Variants in USP38 observed in about 807,000 individuals in gnomAD.
The protein encoded by USP38 is ubiquitin carboxyl-terminal hydrolase 38.
Under a neutral mutation model 94.3 loss-of-function variants are expected in USP38, and 49 were observed. That is an observed-to-expected ratio of 0.52 (90% CI 0.41 to 0.66). The LOEUF (loss-of-function observed/expected upper bound fraction) is 0.66. Ranked by LOEUF, USP38 falls within the 30% of genes least tolerant of loss-of-function variation. The pLI, the probability that USP38 is intolerant of heterozygous loss-of-function variation, is 0.00. For missense variants in USP38, 1,128 were observed against 1,229.4 expected, an observed-to-expected ratio of 0.92 and a Z score of 1.23; for synonymous variants, 468 against 463.6, an observed-to-expected ratio of 1.01 and a Z score of -0.12.
chr4:143,188,203 A>G (rs1175621294), intron 2 of USP38, among the ~76,000 whole-genome samples: 2 of 152,144 alleles, frequency 1.3e-5, no homozygotes, highest in Non-Finnish European at 2.9e-5. Flanking sequence ...TACACATATT[A>G]TACACTCAGA....
chr4:143,210,025 G>A (rs1731980200), intron 7 of USP38, among the ~76,000 whole-genome samples: 2 of 152,026 alleles, frequency 1.3e-5, no homozygotes, highest in Admixed American at 6.6e-5. Context: ...TAGTAGATTT[G>A]TACAATAATG....
intron 8 of USP38, 22 bp from the exon 9 acceptor site, chr4:143,213,559 A>G (rs779654545): frequency 9.0e-6 from 14 of 1,558,232 alleles, no homozygotes; most frequent in Non-Finnish European, 1.7e-6. Context: ...AAGTAGCTAT[A>G]TAATGATATC....
Position 143,213,115 on chromosome 4 carries a change from G to A in USP38, c.1605-466G>A, listed in dbSNP as rs115447021. Among the ~76,000 whole-genome samples, 1,065 of 152,012 alleles carry A rather than the reference G, an allele frequency of 7.0e-3. 8 individuals carry two copies. Among genetic ancestry groups the A allele is most frequent in the African/African-American group, 0.024 (1,004 of 41,470 alleles). ...TATGGGTTTGGTATGTTTTATTGTC[G>A]CCTGACCACTTAATTAATAAAACCT... On this transcript the variant is annotated intron_variant, in intron 8 of 9. Transcript: ENST00000307017.
intron 7 of USP38, among the ~76,000 whole-genome samples, chr4:143,211,805 T>A (rs1732031854): frequency 6.6e-6 from 1 of 152,342 alleles, no homozygotes. Context: ...CTAACCAGTG[T>A]ACTCACAATC....
chr4:143,201,058 C>G (rs1731702028), intron 4 of USP38, among the ~76,000 whole-genome samples: 1 of 152,162 alleles, frequency 6.6e-6, no homozygotes, highest in African/African-American at 2.4e-5. Context: ...AAAGAAGAAC[C>G]TGAATAGCCA....
At chr4:143,208,996 AG>A (rs1279326020) in intron 6 of USP38, among the ~76,000 whole-genome samples, 1 of 137,742 alleles carries the variant, frequency 7.3e-6, no homozygotes, top group Non-Finnish European at 1.6e-5. Flanking sequence ...TTTTTTGAGT[AG>A]TTTATCCTTT....
rs762920963 is a variant in USP38 at position 143,217,765 on chromosome 4, TG to T, written c.2968-2528del. 6.6e-5 allele frequency among the ~76,000 whole-genome samples: 10 copies of T among 152,332 alleles called. No individual in the cohort carries two copies. The East Asian group carries it at 1.9e-3, about 29-fold the overall frequency. ...CTCTTTTGAGTATTGGCAAGATCCG[TG>T]GTTTTGAAAAACCCAGGCAAAAAAT... On this transcript the variant is annotated intron_variant, in intron 9 of 9. Transcript: ENST00000307017.
chr4:143,204,463 C>T (rs748901344), intron 5 of USP38: 3 of 447,472 alleles, frequency 6.7e-6, no homozygotes, highest in Non-Finnish European at 1.3e-5. Flanking sequence ...GATCACGGCT[C>T]ACTGCAGCCT....
chr4:143,200,450 G>A (rs570418204), intron 4 of USP38, among the ~76,000 whole-genome samples: 2 of 152,228 alleles, frequency 1.3e-5, no homozygotes, highest in South Asian at 4.1e-4. Flanking sequence ...AAAGCTAGAA[G>A]CATTCCCCTT....
intron 8 of USP38, among the ~76,000 whole-genome samples, chr4:143,213,260 G>A (rs1732077590): frequency 6.6e-6 from 1 of 152,082 alleles, no homozygotes; most frequent in African/African-American, 2.4e-5. Flanking sequence ...TAGTTTATTT[G>A]TGCCTGACTT....
At chr4:143,204,938 CA>C (rs1347069880) in intron 5 of USP38, among the ~76,000 whole-genome samples, 1 of 152,106 alleles carries the variant, frequency 6.6e-6, no homozygotes, top group African/African-American at 2.4e-5. Context: ...TTAACTAAAT[CA>C]AACTTATTTT....
At chr4:143,195,120 C>T (rs558233439) in intron 2 of USP38, among the ~76,000 whole-genome samples, 1 of 152,282 alleles carries the variant, frequency 6.6e-6, no homozygotes, top group South Asian at 2.1e-4. Context: ...AGACTGTACT[C>T]ACCAGGAAGG....
chr4:143,200,251 TAAATC>T (rs1020824556), intron 4 of USP38, among the ~76,000 whole-genome samples: 9 of 152,126 alleles, frequency 5.9e-5, no homozygotes, highest in African/African-American at 2.2e-4. Flanking sequence ...CATACACAAA[TAAATC>T]ACATAAACAG....
chr4:143,205,979 CA>C, intron 5 of USP38, 53 bp from the exon 6 acceptor site: 1 of 1,319,284 alleles, frequency 7.6e-7, no homozygotes, highest in Non-Finnish European at 1.0e-6. Flanking sequence ...AATTTAACAA[CA>C]AAAATAATTT....
At chr4:143,197,701 T>C (rs1446582718) in intron 3 of USP38, 122 bp from the exon 4 acceptor site, 2 of 642,556 alleles carry the variant, frequency 3.1e-6, no homozygotes, top group East Asian at 2.8e-5. Context: ...ATATAAGTTA[T>C]GTTAGAACTT....
intron 1 of USP38, among the ~76,000 whole-genome samples, chr4:143,186,568 A>G (rs908948368): frequency 3.9e-5 from 6 of 152,078 alleles, no homozygotes; most frequent in African/African-American, 1.4e-4. Context: ...TTTTGAATTA[A>G]TGGATTGTGC....
chr4:143,213,947 A>G lies in USP38; in HGVS notation c.1971A>G (p.Pro657=). ...CTGTACCCGGTCCTTCAGAAGAACC[A>G]GTAGTTTATAATCCAACAACAGCTG... The part of the protein sequence containing the change: ...QASVPGPSEE[P]VVYNPTTAAF... Residue 657 remains proline, a synonymous_variant, in exon 9 of 10, where the codon CCA becomes CCG. Coordinates refer to ENST00000307017, the MANE Select transcript of USP38 (RefSeq NM_032557.6). 3.1e-6 allele frequency: 5 copies of G among 1,613,716 alleles called. No homozygotes were observed. The highest frequency in any genetic ancestry group is 2.2e-5 in the East Asian group (1 of 44,876).
intron 3 of USP38, among the ~76,000 whole-genome samples, chr4:143,196,096 A>G (rs917015798): frequency 1.3e-5 from 2 of 152,146 alleles, no homozygotes; most frequent in Admixed American, 6.5e-5. Context: ...ACTTGAGGCC[A>G]GGAGTTCAAG....
chr4:143,205,875 C>A (rs915904512), intron 5 of USP38, among the ~76,000 whole-genome samples, 158 bp from the exon 6 acceptor site: 3 of 152,174 alleles, frequency 2.0e-5, no homozygotes, highest in African/African-American at 7.2e-5. Flanking sequence ...TTGATATTTT[C>A]ATGACTAGCC....
Sources: allele counts gnomAD v4.1 joint callset (sites outside exome capture counted in the v4.1 genomes callset), GRCh38; gene constraint gnomAD v4.1.1; transcripts MANE v1.5; gene names NCBI Gene and HGNC (gene_info 2026-07-23, HGNC 2026-07-21).